Variants in TSC22D1 observed in about 807,000 individuals in gnomAD.
The protein encoded by TSC22D1 is TSC22 domain family member 1.
In TSC22D1, 9 loss-of-function variants were observed where a neutral mutation model predicts 74.2. The ratio of observed to expected loss-of-function variants is 0.12; its 90% CI spans 0.07 to 0.21. The LOEUF (loss-of-function observed/expected upper bound fraction) is 0.21. TSC22D1 is among the 10% of genes least tolerant of loss of function. The pLI is 1.00. For missense variants in TSC22D1, 1,427 were observed against 1,304.7 expected, an observed-to-expected ratio of 1.09 and a Z score of -1.44; for synonymous variants, 586 against 492.5, an observed-to-expected ratio of 1.19 and a Z score of -2.51.
chr13:44,553,469 C>T (rs1024006134), intron 1 of TSC22D1, among the ~76,000 whole-genome samples: 1 of 152,074 alleles, frequency 6.6e-6, no homozygotes, highest in African/African-American at 2.4e-5. Context: ...TATAATCTTA[C>T]TTAAAACAAA....
intron 1 of TSC22D1, among the ~76,000 whole-genome samples, chr13:44,511,875 A>G (rs1879739219): frequency 1.3e-5 from 2 of 152,188 alleles, no homozygotes; most frequent in African/African-American, 4.8e-5. Flanking sequence ...TTGGAGAGCA[A>G]TTTAGATAAA....
Position 44,576,105 on chromosome 13 carries a change from G to A in TSC22D1, c.-31C>T, listed in dbSNP as rs993531187. 4.7e-6 allele frequency: 7 copies of A among 1,484,722 alleles called. No individual in the cohort carries two copies. Among genetic ancestry groups the A allele is most frequent in the Admixed American group, 4.8e-5 (2 of 41,476 alleles). The allele number at this position is 1,484,722 out of a possible 1,614,324, so 92.0% of individuals were successfully genotyped here. A position where few individuals can be genotyped will look rare whatever the true frequency, so the allele number is the denominator to read the frequency against. On this transcript the variant is annotated 5_prime_UTR_variant, in exon 1 of 3. Transcript: ENST00000458659. ...TGGGTACCGGGGGCGCGGAGGAGAC[G>A]AGTGCAATTTCCTTCTGCACCGTAA...
rs552963133 is a variant in TSC22D1 at position 44,432,156 on chromosome 13, C to T, written c.*2470G>A. The T allele has an allele frequency of 6.6e-6, 1 of 152,236 alleles. No homozygotes were observed. The highest frequency in any genetic ancestry group is 2.1e-4 in the South Asian group (1 of 4,806). The allele number at this position is 152,236 out of a possible 1,614,324, so 9.4% of individuals were successfully genotyped here. ...ATGAGGAACATGTATGGAAAGACAT[C>T]TTTTAATAATTCATTCTTATTTCAC... On this transcript the variant is annotated 3_prime_UTR_variant, in exon 3 of 3. Transcript: ENST00000458659.
intron 1 of TSC22D1, among the ~76,000 whole-genome samples, chr13:44,509,303 C>A (rs1248383782): frequency 6.6e-6 from 1 of 152,138 alleles, no homozygotes; most frequent in Non-Finnish European, 1.5e-5. Flanking sequence ...GATGGTTGCA[C>A]AACAATGTGA....
chr13:44,454,421 A>C (rs530052187), intron 1 of TSC22D1, among the ~76,000 whole-genome samples: 2 of 152,282 alleles, frequency 1.3e-5, no homozygotes, highest in Admixed American at 6.5e-5. Flanking sequence ...CGGTAGAACA[A>C]ACACCCACAA....
At chr13:44,435,180 A>G in intron 2 of TSC22D1, 1 of 277,580 alleles carries the variant, frequency 3.6e-6, no homozygotes, top group South Asian at 8.0e-5. Context: ...CCCGACTGAG[A>G]CCAGCAGCGG....
At chr13:44,536,925 TGAAAAAA>T (rs1226474197) in intron 1 of TSC22D1, 13 of 608,602 alleles carry the variant, frequency 2.1e-5, no homozygotes, top group Non-Finnish European at 2.4e-5. Context: ...AGTATTTTTC[TGAAAAAA>T]AAAAAAAAAA....
At chr13:44,452,054 T>G (rs892587046) in intron 1 of TSC22D1, among the ~76,000 whole-genome samples, 51 of 152,242 alleles carry the variant, frequency 3.3e-4, no homozygotes, top group African/African-American at 1.2e-3. Flanking sequence ...TCATGTCAAT[T>G]CCAAATTGCT....
At chr13:44,458,610 C>G (rs1001100316) in intron 1 of TSC22D1, among the ~76,000 whole-genome samples, 1 of 152,094 alleles carries the variant, frequency 6.6e-6, no homozygotes, top group African/African-American at 2.4e-5. Flanking sequence ...AGCCGTACCT[C>G]CAGACCTGGG....
In TSC22D1 at chr13:44,441,992, G is replaced by GA. The variant is rs111999516; in HGVS notation, c.2913-5898dup. On this transcript the variant is annotated intron_variant, in intron 1 of 2. Coordinates refer to ENST00000458659, the MANE Select transcript of TSC22D1 (RefSeq NM_183422.4). ...GGTATTACCACCCACCAGCCTAAAT[G>GA]AAAAAAAAACTCTGTAAAAAGGGAT... 2.0e-3 allele frequency among the ~76,000 whole-genome samples: 303 copies of GA among 150,348 alleles called. 2 individuals carry two copies. Among genetic ancestry groups the GA allele is most frequent in the African/African-American group, 6.6e-3 (270 of 41,016 alleles).
intron 1 of TSC22D1, among the ~76,000 whole-genome samples, chr13:44,455,442 G>C (rs1032160419): frequency 6.6e-6 from 1 of 152,194 alleles, no homozygotes; most frequent in Non-Finnish European, 1.5e-5. Context: ...TGCTTACTGA[G>C]ACCATCATTA....
At chr13:44,570,837 T>C (rs1883716615) in intron 1 of TSC22D1, among the ~76,000 whole-genome samples, 1 of 152,216 alleles carries the variant, frequency 6.6e-6, no homozygotes, top group South Asian at 2.1e-4. Context: ...TAAAAGTTTG[T>C]TTTTTAATCA....
chr13:44,448,127 G>A (rs917531396), intron 1 of TSC22D1, among the ~76,000 whole-genome samples: 2 of 152,082 alleles, frequency 1.3e-5, no homozygotes, highest in Admixed American at 1.3e-4. Context: ...AACATCTGAA[G>A]AAGTGACAAG....
chr13:44,566,732 A>C (rs1415446439), intron 1 of TSC22D1, among the ~76,000 whole-genome samples: 3 of 152,202 alleles, frequency 2.0e-5, no homozygotes, highest in African/African-American at 7.2e-5. Flanking sequence ...ACAAAAACTG[A>C]GGCAGATGAA....
At chr13:44,458,482 C>T (rs953419873) in intron 1 of TSC22D1, among the ~76,000 whole-genome samples, 20 of 152,300 alleles carry the variant, frequency 1.3e-4, no homozygotes, top group African/African-American at 2.6e-4. Flanking sequence ...GCTGGGGAGG[C>T]GCGGCGGGCA....
chr13:44,522,204 G>C (rs533208676), intron 1 of TSC22D1, among the ~76,000 whole-genome samples: 1 of 152,254 alleles, frequency 6.6e-6, no homozygotes, highest in South Asian at 2.1e-4. Flanking sequence ...TAAGGTAGTA[G>C]ACAGTAACAC....
chr13:44,552,870 C>T (rs1265819336), intron 1 of TSC22D1, among the ~76,000 whole-genome samples: 1 of 152,130 alleles, frequency 6.6e-6, no homozygotes, highest in African/African-American at 2.4e-5. Context: ...CGCCTTTAGT[C>T]CCATCTACTC....
chr13:44,570,057 G>T (rs1883651865), intron 1 of TSC22D1, among the ~76,000 whole-genome samples: 1 of 152,146 alleles, frequency 6.6e-6, no homozygotes, highest in South Asian at 2.1e-4. Flanking sequence ...AGGATGAATA[G>T]AAGTTTGACC....
At chr13:44,477,638 ATT>A (rs35355914) in intron 1 of TSC22D1, among the ~76,000 whole-genome samples, 12 of 125,368 alleles carry the variant, frequency 9.6e-5, no homozygotes, top group Non-Finnish European at 1.2e-4. Context: ...GTGCTCATAG[ATT>A]TTTTTTTTTT....
Sources: gnomAD v4.1 joint callset for allele counts (sites outside exome capture counted in the v4.1 genomes callset) on GRCh38, gnomAD v4.1.1 for gene constraint, MANE v1.5 for transcripts, NCBI Gene and HGNC (gene_info 2026-07-23, HGNC 2026-07-21) for gene names.